KLHL29: variants seen among roughly 807,000 people sequenced by gnomAD.
KLHL29 encodes kelch-like protein 29.
Under a neutral mutation model 80.4 loss-of-function variants are expected in KLHL29, and 21 were observed. That is an observed-to-expected ratio of 0.26 (90% CI 0.19 to 0.38). KLHL29 has a LOEUF of 0.38. Ranked by LOEUF, KLHL29 falls within the 10% of genes least tolerant of loss-of-function variation. The probability of loss-of-function intolerance (pLI) is 1.00; values close to 1 mark genes in which losing one functional copy is unlikely to be tolerated. For synonymous variants in KLHL29, 511 were observed against 526.8 expected, an observed-to-expected ratio of 0.97 and a Z score of 0.41; for missense variants, 867 against 1,223.9, an observed-to-expected ratio of 0.71 and a Z score of 4.35.
At chr2:23,458,506 A>G (rs1265941904) in intron 1 of KLHL29, among the ~76,000 whole-genome samples, 1 of 152,256 alleles carries the variant, frequency 6.6e-6, no homozygotes, top group Non-Finnish European at 1.5e-5. Context: ...GTAATCCTCT[A>G]TCTACATAGA....
chr2:23,551,297 C>T (rs772166541), intron 2 of KLHL29, among the ~76,000 whole-genome samples: 1 of 152,196 alleles, frequency 6.6e-6, no homozygotes, highest in Non-Finnish European at 1.5e-5. Flanking sequence ...GCACAAATGC[C>T]TAGTCAATTA....
At chr2:23,537,515 C>A (rs571718619) in intron 2 of KLHL29, among the ~76,000 whole-genome samples, 2 of 144,322 alleles carry the variant, frequency 1.4e-5, no homozygotes, top group Admixed American at 6.9e-5. Context: ...TCCTGTGTAA[C>A]CACTCATGCC....
intron 1 of KLHL29, among the ~76,000 whole-genome samples, chr2:23,386,077 G>T (rs1196374875): frequency 6.6e-6 from 1 of 152,130 alleles, no homozygotes; most frequent in Non-Finnish European, 1.5e-5. Context: ...GTGTTCGGAG[G>T]TGCTGGAGGC....
intron 2 of KLHL29, among the ~76,000 whole-genome samples, chr2:23,558,410 T>TC (rs1667353129): frequency 8.8e-6 from 1 of 114,260 alleles, no homozygotes; most frequent in Non-Finnish European, 1.8e-5. Context: ...ACATTTTCTC[T>TC]TTTTTTTTTT....
At chr2:23,569,624 A>G (rs1343565779) in intron 3 of KLHL29, among the ~76,000 whole-genome samples, 1 of 149,000 alleles carries the variant, frequency 6.7e-6, no homozygotes, top group Non-Finnish European at 1.5e-5. Context: ...CATTTTTTTT[A>G]TAGGGAAAGT....
intron 2 of KLHL29, among the ~76,000 whole-genome samples, chr2:23,515,500 T>TG (rs925733310): frequency 6.6e-6 from 1 of 152,356 alleles, no homozygotes; most frequent in Admixed American, 6.5e-5. Flanking sequence ...CTGTGGGCCT[T>TG]GGGGGGCCCC....
intron 1 of KLHL29, among the ~76,000 whole-genome samples, chr2:23,406,375 A>G (rs889995094): frequency 6.6e-6 from 1 of 150,926 alleles, no homozygotes; most frequent in Admixed American, 6.6e-5. Flanking sequence ...TCTAGAGATG[A>G]TTGTTAATAT....
intron 3 of KLHL29, among the ~76,000 whole-genome samples, chr2:23,613,987 C>A (rs1668938794): frequency 6.6e-6 from 1 of 152,126 alleles, no homozygotes; most frequent in Non-Finnish European, 1.5e-5. Flanking sequence ...AAGCTACATA[C>A]CTCCCTCACA....
chr2:23,409,997 G>T (rs1036003842), intron 1 of KLHL29, among the ~76,000 whole-genome samples: 1 of 152,196 alleles, frequency 6.6e-6, no homozygotes, highest in African/African-American at 2.4e-5. Flanking sequence ...AGAGTATGGT[G>T]CCTTCAAGGA....
intron 5 of KLHL29, among the ~76,000 whole-genome samples, chr2:23,663,060 T>C (rs1390936000): frequency 6.6e-6 from 1 of 152,058 alleles, no homozygotes; most frequent in East Asian, 1.9e-4. Context: ...TCATCAGCGG[T>C]CTCCGAGAGG....
chr2:23,418,091 G>T (rs1662646617), intron 1 of KLHL29, among the ~76,000 whole-genome samples: 2 of 152,226 alleles, frequency 1.3e-5, no homozygotes, highest in African/African-American at 2.4e-5. Flanking sequence ...CACGCTGTAA[G>T]TGTTTGTTGA....
intron 2 of KLHL29, among the ~76,000 whole-genome samples, chr2:23,547,969 G>A (rs115189004): frequency 9.3e-4 from 142 of 152,272 alleles, no homozygotes; most frequent in African/African-American, 3.3e-3. Flanking sequence ...GGAAAAGAGA[G>A]TGGTCTGAGG....
At chr2:23,507,624 C>T (rs1485007580) in intron 2 of KLHL29, among the ~76,000 whole-genome samples, 1 of 152,144 alleles carries the variant, frequency 6.6e-6, no homozygotes, top group African/African-American at 2.4e-5. Context: ...GTGACTTCAC[C>T]CCTCCCTTGA....
In KLHL29 at chr2:23,636,989, G is replaced by A. The variant is rs74797926; in HGVS notation, c.286-2150G>A. 0.015 allele frequency among the ~76,000 whole-genome samples: 2,249 copies of A among 152,204 alleles called. 146 individuals are homozygous for A. In the East Asian group the frequency reaches 0.18, roughly 12 times the overall value. On this transcript the variant is annotated intron_variant, in intron 3 of 13. Transcript: ENST00000486442. ...CAGGAGGGGAGAAGCAGTGGCTGTC[G>A]GAAGAGGCTGAAAACCTCTGCAGCC... is the stretch of plus-strand genomic sequence containing the variant.
chr2:23,386,425 C>A (rs1666184410), intron 1 of KLHL29, among the ~76,000 whole-genome samples: 1 of 152,236 alleles, frequency 6.6e-6, no homozygotes, highest in South Asian at 2.1e-4. Context: ...ACCCACCCCA[C>A]CCCGACACAC....
chr2:23,582,155 C>T (rs1196057893), intron 3 of KLHL29, among the ~76,000 whole-genome samples: 2 of 152,130 alleles, frequency 1.3e-5, no homozygotes, highest in African/African-American at 4.8e-5. Context: ...TCAGGGCAGG[C>T]CACAAAATGA....
At chr2:23,409,830 T>C (rs1666820339) in intron 1 of KLHL29, among the ~76,000 whole-genome samples, 1 of 152,194 alleles carries the variant, frequency 6.6e-6, no homozygotes, top group East Asian at 1.9e-4. Flanking sequence ...AGATGGTCAG[T>C]GCCATTACAG....
intron 1 of KLHL29, among the ~76,000 whole-genome samples, chr2:23,450,525 G>T (rs926560546): frequency 6.6e-6 from 1 of 152,020 alleles, no homozygotes; most frequent in Non-Finnish European, 1.5e-5. Flanking sequence ...CTGCCCCCAA[G>T]ACTTCAGCCC....
chr2:23,657,456 A>G (rs1670277728), intron 5 of KLHL29, among the ~76,000 whole-genome samples: 1 of 152,184 alleles, frequency 6.6e-6, no homozygotes, highest in Admixed American at 6.5e-5. Flanking sequence ...GTCAAACCAC[A>G]CACCATAAAG....
Sources: allele counts gnomAD v4.1 joint callset (sites outside exome capture counted in the v4.1 genomes callset), GRCh38; gene constraint gnomAD v4.1.1; transcripts MANE v1.5; gene names NCBI Gene and HGNC (gene_info 2026-07-23, HGNC 2026-07-21).